The following PAG1 variants were observed in gnomAD, a reference collection of about 807,000 sequenced individuals.
PAG1 encodes the protein phosphoprotein membrane anchor with glycosphingolipid microdomains 1.
A neutral mutation model predicts 31.7 loss-of-function variants in PAG1; 23 were observed. The observed-to-expected ratio is 0.73, with a 90% CI of 0.52 to 1.03. The LOEUF is 1.03. PAG1 is among the 50% of genes least tolerant of loss of function. The pLI is 0.00. For synonymous variants in PAG1, 214 were observed against 210.3 expected (o/e 1.02, Z -0.15); for missense variants, 473 against 540.7 (o/e 0.87, Z 1.24).
intron 3 of PAG1, among the ~76,000 whole-genome samples, chr8:81,018,067 A>G (rs1179787219): frequency 1.3e-5 from 2 of 152,248 alleles, no homozygotes; most frequent in African/African-American, 4.8e-5. Context: ...ATAGAAATTA[A>G]GAAACAATGA....
intron 1 of PAG1, among the ~76,000 whole-genome samples, chr8:81,078,613 C>T (rs984656869): frequency 4.6e-5 from 7 of 152,150 alleles, no homozygotes; most frequent in African/African-American, 1.7e-4. Flanking sequence ...CTTTATCCTT[C>T]CTTATTTTCC....
intron 1 of PAG1, among the ~76,000 whole-genome samples, chr8:81,105,446 C>T (rs1451257700): frequency 6.6e-6 from 1 of 152,110 alleles, no homozygotes; most frequent in Non-Finnish European, 1.5e-5. Flanking sequence ...GAATTAGAGG[C>T]TCACAGCCCT....
intron 2 of PAG1, among the ~76,000 whole-genome samples, chr8:81,065,492 T>C (rs1279665239): frequency 6.6e-6 from 1 of 152,130 alleles, no homozygotes; most frequent in East Asian, 1.9e-4. Flanking sequence ...CCCAAAGAAG[T>C]TCAGAAACTC....
intron 5 of PAG1, 29 bp downstream of exon 5, chr8:80,991,450 A>T: frequency 6.3e-7 from 1 of 1,584,006 alleles, no homozygotes; most frequent in Non-Finnish European, 8.7e-7. Context: ...ACGCACGGAC[A>T]GACAGGCAGA....
intron 7 of PAG1, among the ~76,000 whole-genome samples, chr8:80,980,928 G>C (rs1807287453): frequency 6.6e-6 from 1 of 152,168 alleles, no homozygotes; most frequent in Non-Finnish European, 1.5e-5. Context: ...AGCTAATGGA[G>C]AAACTGACTC....
chr8:81,097,915 T>C (rs532704762), intron 1 of PAG1, among the ~76,000 whole-genome samples: 1 of 152,270 alleles, frequency 6.6e-6, no homozygotes, highest in East Asian at 1.9e-4. Flanking sequence ...TATAAATGTT[T>C]TATCTGATGC....
intron 3 of PAG1, among the ~76,000 whole-genome samples, chr8:81,022,342 G>T (rs942604336): frequency 1.3e-5 from 2 of 152,018 alleles, no homozygotes; most frequent in African/African-American, 2.4e-5. Flanking sequence ...TTACTGAAAG[G>T]CTCCTTTAGA....
At chr8:81,091,960 A>C (rs1238172004) in intron 1 of PAG1, among the ~76,000 whole-genome samples, 2 of 150,892 alleles carry the variant, frequency 1.3e-5, no homozygotes, top group Non-Finnish European at 3.0e-5. Flanking sequence ...TGACTGCATC[A>C]CTGCACTCCA....
At position 81,111,655 on chromosome 8, in the gene PAG1, G is replaced by A. The variant is rs1255588554; in HGVS notation, c.-298C>T. 6.6e-6 allele frequency: 1 copy of A among 152,412 alleles called. No homozygotes were observed. Among genetic ancestry groups the A allele is most frequent in the African/African-American group, 2.4e-5 (1 of 41,456 alleles). 9.4% of individuals were successfully genotyped at this position (152,412 alleles called of 1,614,324 possible). On this transcript the variant is annotated 5_prime_UTR_variant, in exon 1 of 9. Transcript: ENST00000220597. ...CTCGGAGGCAGCCTCTGCAAACTCC[G>A]GCGCGCAGCGCCGCCGCCCCGGCAC...
At chr8:81,008,999 C>T (rs4739780) in intron 3 of PAG1, among the ~76,000 whole-genome samples, 94,077 of 152,076 alleles carry the variant, frequency 0.62, 29,761 homozygotes, top group Admixed American at 0.69. Flanking sequence ...TTTTACTTCT[C>T]AGAAGAAGGT....
At chr8:81,034,978 C>T (rs1035721459) in intron 2 of PAG1, among the ~76,000 whole-genome samples, 11 of 152,096 alleles carry the variant, frequency 7.2e-5, no homozygotes, top group Admixed American at 6.5e-4. Context: ...AACAACCAAG[C>T]ACAACCTCCA....
At chr8:81,043,909 T>C (rs1808597413) in intron 2 of PAG1, among the ~76,000 whole-genome samples, 1 of 152,250 alleles carries the variant, frequency 6.6e-6, no homozygotes, top group Admixed American at 6.5e-5. Flanking sequence ...CCTTCTCCAC[T>C]GATGGTAGTT....
At chr8:81,047,144 G>A (rs938123441) in intron 2 of PAG1, among the ~76,000 whole-genome samples, 16 of 152,106 alleles carry the variant, frequency 1.1e-4, no homozygotes, top group Non-Finnish European at 1.5e-4. Flanking sequence ...GAATAGTACC[G>A]CAATGAACAT....
At chr8:81,044,969 A>G (rs1032132685) in intron 2 of PAG1, among the ~76,000 whole-genome samples, 1 of 152,002 alleles carries the variant, frequency 6.6e-6, no homozygotes, top group Admixed American at 6.6e-5. Flanking sequence ...CCTATGCTGC[A>G]CCTGGAGTAT....
Position 81,075,493 on chromosome 8 carries a change from G to A in PAG1, c.-233-5323C>T, listed in dbSNP as rs148669741. On this transcript the variant is annotated intron_variant, in intron 1 of 8. Coordinates refer to ENST00000220597, the MANE Select transcript of PAG1 (RefSeq NM_018440.4). ...GAATCTCTAACTTCTTTAAAGACAA[G>A]TAATTTCAGATGCTGTCGTGTATGA... Among the ~76,000 whole-genome samples, 322 of 152,314 alleles carry A rather than the reference G, an allele frequency of 2.1e-3. 2 individuals carry two copies. The highest frequency in any genetic ancestry group is 7.3e-3 in the African/African-American group (302 of 41,570).
chr8:80,976,658 T>C lies in PAG1; in HGVS notation c.1185A>G (p.Arg395=), dbSNP rs148657175. 8.8e-5 allele frequency: 142 copies of C among 1,614,186 alleles called. No homozygotes were observed. In the African/African-American group the frequency reaches 1.7e-3, roughly 19 times the overall value. Residue 395 remains arginine (R), a synonymous_variant, in exon 9 of 9, where the codon AGA becomes AGG. Transcript: ENST00000220597. ...TCCCCAGGGTGGCCTTTTCTTCCTC[T>C]CTGTTGAGAGTCTGTATCGCTTCAT... ...PDYEAIQTLN[R]EEEKATLGTN...
chr8:81,036,474 TAACA>T (rs1808463747), intron 2 of PAG1, among the ~76,000 whole-genome samples: 1 of 152,218 alleles, frequency 6.6e-6, no homozygotes, highest in African/African-American at 2.4e-5. Flanking sequence ...ATTATCAATA[TAACA>T]GAGATCAACC....
At position 81,031,154 on chromosome 8, in the gene PAG1, T is replaced by C. The variant is rs201150485; in HGVS notation, c.-174-1065A>G. Among the ~76,000 whole-genome samples, 3 of 152,374 alleles carry C rather than the reference T, an allele frequency of 2.0e-5. No homozygotes were observed. In the East Asian group the frequency reaches 5.8e-4, roughly 29 times the overall value. On this transcript the variant is annotated intron_variant, in intron 2 of 8. Coordinates refer to ENST00000220597, the MANE Select transcript of PAG1 (RefSeq NM_018440.4). ...AGCAGAGTCAGCAGAATATTTATAT[T>C]ATCTTGAGGTATATCTATTGTTTCC... is the stretch of plus-strand genomic sequence containing the variant.
intron 2 of PAG1, among the ~76,000 whole-genome samples, chr8:81,049,657 C>T (rs1808695072): frequency 2.0e-5 from 3 of 152,320 alleles, no homozygotes; most frequent in South Asian, 4.1e-4. Flanking sequence ...ATAAGCAGCA[C>T]ATAGCAAAAT....
Sources: allele counts gnomAD v4.1 joint callset (sites outside exome capture counted in the v4.1 genomes callset), GRCh38; gene constraint gnomAD v4.1.1; transcripts MANE v1.5; gene names NCBI Gene and HGNC (gene_info 2026-07-23, HGNC 2026-07-21).